Variants in GCA observed in about 807,000 individuals in gnomAD.
The protein encoded by GCA is grancalcin, EF-hand calcium-binding protein.
A neutral mutation model predicts 32.6 loss-of-function variants in GCA; 30 were observed. The ratio of observed to expected loss-of-function variants is 0.92; its 90% confidence interval spans 0.69 to 1.25. The LOEUF (loss-of-function observed/expected upper bound fraction) is 1.25, where lower values mean the gene tolerates loss of function less well. GCA is among the 50% of genes most tolerant of loss of function. The probability of loss-of-function intolerance (pLI) is 0.00; values close to 1 mark genes in which losing one functional copy is unlikely to be tolerated. For synonymous variants in GCA, 102 were observed against 84.6 expected, an observed-to-expected ratio of 1.21 and a Z score of -1.13; for missense variants, 291 against 266.8, an observed-to-expected ratio of 1.09 and a Z score of -0.63.
At chr2:162,320,627 A>G (rs1250083018) in intron 1 of GCA, among the ~76,000 whole-genome samples, 4 of 152,224 alleles carry the variant, frequency 2.6e-5, no homozygotes, top group African/African-American at 4.8e-5. Flanking sequence ...CAAATAATAA[A>G]CATTTAAACC....
intron 1 of GCA, among the ~76,000 whole-genome samples, chr2:162,321,151 A>G (rs184379888): frequency 6.6e-6 from 1 of 152,238 alleles, no homozygotes; most frequent in East Asian, 1.9e-4. Context: ...CTCACAATGT[A>G]TCCTTTTTTC....
At chr2:162,371,159 T>C (rs1162079823) in intron 4 of GCA, 2 of 349,378 alleles carry the variant, frequency 5.7e-6, no homozygotes, top group Non-Finnish European at 1.1e-5. Flanking sequence ...TGGAAAATAC[T>C]TTAGATGGTT....
intron 1 of GCA, among the ~76,000 whole-genome samples, chr2:162,338,992 T>A (rs1684359712): frequency 6.6e-6 from 1 of 152,328 alleles, no homozygotes; most frequent in South Asian, 2.1e-4. Context: ...GAGTTTGTAC[T>A]CCTGCCAAAA....
chr2:162,355,536 A>G (rs746754123), intron 3 of GCA, among the ~76,000 whole-genome samples: 12 of 152,092 alleles, frequency 7.9e-5, no homozygotes, highest in Non-Finnish European at 1.5e-4. Context: ...TACTAACGTG[A>G]TGTTTTCTTT....
intron 2 of GCA, among the ~76,000 whole-genome samples, chr2:162,348,567 GTTAT>G (rs1684829470): frequency 6.6e-6 from 1 of 152,068 alleles, no homozygotes; most frequent in South Asian, 2.1e-4. Context: ...GTTTTAGGAT[GTTAT>G]TTGTTTCCAG....
In GCA at chr2:162,344,146, C is replaced by A; in HGVS notation, c.-103C>A. On this transcript the variant is annotated 5_prime_UTR_variant, in exon 1 of 8. Transcript: ENST00000437150. Reference sequence around the variant, plus strand: ...ACTGTGCGGTTAGTGCGCCTTTCAGCCTCACCTGCAGCTGCGCCTCCTTGC... The same window carrying A: ...ACTGTGCGGTTAGTGCGCCTTTCAGACTCACCTGCAGCTGCGCCTCCTTGC... 1.6e-6 allele frequency: 2 copies of A among 1,260,980 alleles called. No homozygotes were observed. Among genetic ancestry groups the A allele is most frequent in the African/African-American group, 1.5e-5 (1 of 68,206 alleles). The allele number at this position is 1,260,980 out of a possible 1,614,324, so 78.1% of individuals were successfully genotyped here.
chr2:162,371,201 A>G, intron 4 of GCA: 1 of 393,364 alleles, frequency 2.5e-6, no homozygotes, highest in Non-Finnish European at 4.8e-6. Flanking sequence ...AATTTTAAAT[A>G]GAAAGACCTT....
At chr2:162,334,458 G>T (rs1684196863) in intron 1 of GCA, among the ~76,000 whole-genome samples, 1 of 152,068 alleles carries the variant, frequency 6.6e-6, no homozygotes, top group African/African-American at 2.4e-5. Flanking sequence ...GCTGCTCAGG[G>T]CCCAAGATAC....
At chr2:162,332,326 T>A (rs867811256) in intron 1 of GCA, among the ~76,000 whole-genome samples, 2,173 of 139,078 alleles carry the variant, frequency 0.016, 64 homozygotes, top group South Asian at 0.099. Flanking sequence ...AAAAAAAATA[T>A]ATATATATAT....
At position 162,360,887 on chromosome 2, in the gene GCA, T is replaced by A; in HGVS notation, c.*644T>A. The A allele has an allele frequency of 9.0e-7, 1 of 1,116,938 alleles. No individual in the cohort carries two copies. The highest frequency in any genetic ancestry group is 4.4e-5 in the South Asian group (1 of 22,484). 69.2% of individuals were successfully genotyped at this position (1,116,938 alleles called of 1,614,324 possible). ...TATATTTTTCTTAAATATGTTTTAT[T>A]GTCTTCTCTAAGCAAAAAGTTCTTA... On this transcript the variant is annotated 3_prime_UTR_variant, in exon 8 of 8. Coordinates refer to ENST00000437150, the MANE Select transcript of GCA (RefSeq NM_012198.5).
At chr2:162,354,012 T>G (rs1685132737) in intron 3 of GCA, among the ~76,000 whole-genome samples, 1 of 152,166 alleles carries the variant, frequency 6.6e-6, no homozygotes, top group Non-Finnish European at 1.5e-5. Context: ...TCTATTTTCA[T>G]GAATGTGATA....
chr2:162,339,099 A>G (rs1684362315), intron 1 of GCA, among the ~76,000 whole-genome samples: 1 of 152,174 alleles, frequency 6.6e-6, no homozygotes, highest in Admixed American at 6.5e-5. Context: ...TGAGGTAATA[A>G]ATGGTAAATA....
Position 162,344,136 on chromosome 2 carries a change from C to G in GCA, c.-113C>G. ...GGAGGAGTGAACTGTGCGGTTAGTG[C>G]GCCTTTCAGCCTCACCTGCAGCTGC... On this transcript the variant is annotated 5_prime_UTR_variant, in exon 1 of 8. Coordinates refer to ENST00000437150, the MANE Select transcript of GCA (RefSeq NM_012198.5). 1 of 1,111,466 alleles carries G rather than the reference C, an allele frequency of 9.0e-7. No homozygotes were observed. The highest frequency in any genetic ancestry group is 1.4e-6 in the Non-Finnish European group (1 of 739,662). The allele number at this position is 1,111,466 out of a possible 1,614,324, so 68.9% of individuals were successfully genotyped here.
intron 5 of GCA, among the ~76,000 whole-genome samples, chr2:162,357,417 T>A (rs888181771): frequency 6.6e-6 from 1 of 151,888 alleles, no homozygotes; most frequent in African/African-American, 2.4e-5. Context: ...GATAAGCTGA[T>A]GTTCCTAGTG....
At position 162,360,666 on chromosome 2, in the gene GCA, G is replaced by A; in HGVS notation, c.*423G>A. On this transcript the variant is annotated 3_prime_UTR_variant, in exon 8 of 8. Coordinates refer to ENST00000437150, the MANE Select transcript of GCA (RefSeq NM_012198.5). The stretch of plus-strand genomic sequence containing the variant: ...TTAAATTTTCTTTGTAGTTGGTGGT[G>A]TTTGAGGGTTGGCTAGAAATGAAAG... 3.1e-6 allele frequency: 4 copies of A among 1,309,576 alleles called. No homozygotes were observed. Among genetic ancestry groups the A allele is most frequent in the Middle Eastern group, 2.0e-4 (1 of 4,984 alleles). The allele number at this position is 1,309,576 out of a possible 1,614,324, so 81.1% of individuals were successfully genotyped here.
intron 1 of GCA, chr2:162,319,311 G>A (rs1220163673): frequency 8.9e-6 from 4 of 449,704 alleles, no homozygotes; most frequent in Non-Finnish European, 1.8e-5. Flanking sequence ...CTTTGACCAG[G>A]ACCTGGTAAC....
At chr2:162,329,607 G>T in intron 1 of GCA, among the ~76,000 whole-genome samples, 1 of 149,880 alleles carries the variant, frequency 6.7e-6, no homozygotes, top group Non-Finnish European at 1.5e-5. Context: ...TATTTACTGG[G>T]GTCCATCTTC....
chr2:162,359,599 C>A, intron 7 of GCA, 47 bp downstream of exon 7: 1 of 940,352 alleles, frequency 1.1e-6, no homozygotes, highest in South Asian at 1.7e-5. Context: ...AGATAGTTCT[C>A]AGTTAGTAAA....
chr2:162,339,057 C>T lies in GCA; in HGVS notation c.-30-8521C>T, dbSNP rs139475387. Among the ~76,000 whole-genome samples the T allele has an allele frequency of 9.9e-5, 15 of 152,262 alleles. No homozygotes were observed. The East Asian group carries it at 2.5e-3, about 25-fold the overall frequency. ...GAAAACTGTGTTATTGAGAGCTTAG[C>T]TGAAGAAAGGTCAGTTTGCCAAGTG... is the stretch of plus-strand genomic sequence containing the variant. On this transcript the variant is annotated intron_variant, in intron 1 of 4. Coordinates refer to the GCA transcript ENST00000429691.
Sources: allele counts gnomAD v4.1 joint callset (sites outside exome capture counted in the v4.1 genomes callset), GRCh38; gene constraint gnomAD v4.1.1; transcripts MANE v1.5; gene names NCBI Gene and HGNC (gene_info 2026-07-23, HGNC 2026-07-21).